Variants in SNX14 observed in about 807,000 individuals in gnomAD.
The protein encoded by SNX14 is sorting nexin-14.
A neutral mutation model predicts 133.8 loss-of-function variants in SNX14; 93 were observed. That is an observed-to-expected ratio of 0.70 (90% CI 0.59 to 0.83). The LOEUF (loss-of-function observed/expected upper bound fraction) is 0.83, where lower values mean the gene tolerates loss of function less well. SNX14 is among the 40% of genes least tolerant of loss of function. SNX14 has a pLI of 0.00. For synonymous variants in SNX14, 368 were observed against 365.6 expected (o/e 1.01, Z -0.07); for missense variants, 945 against 1,094.9 (o/e 0.86, Z 1.93).
intron 16 of SNX14, 29 bp from the exon 17 acceptor site, chr6:85,536,953 A>G: frequency 6.3e-7 from 1 of 1,596,684 alleles, no homozygotes; most frequent in Non-Finnish European, 8.5e-7. Context: ...TGTATCAAGT[A>G]CATAGCAAAT....
chr6:85,515,262 C>CAAAAAAAAAAAA (rs751549621), intron 23 of SNX14, among the ~76,000 whole-genome samples: 1 of 22,770 alleles, frequency 4.4e-5, no homozygotes, highest in African/African-American at 1.3e-4. Context: ...GCAAGACCGT[C>CAAAAAAAAAAAA]AAAAAAAAAA....
intron 6 of SNX14, among the ~76,000 whole-genome samples, chr6:85,560,490 A>G (rs1791166076): frequency 6.6e-6 from 1 of 152,206 alleles, no homozygotes. Flanking sequence ...GAAGGGATAG[A>G]AGAGGTGATG....
intron 17 of SNX14, among the ~76,000 whole-genome samples, chr6:85,535,890 C>T (rs1781816753): frequency 1.3e-5 from 2 of 152,078 alleles, no homozygotes; most frequent in Admixed American, 1.3e-4. Context: ...TAGTGAATTT[C>T]TTAAAGCCGA....
Position 85,567,531 on chromosome 6 carries a change from T to C in SNX14, c.461+3A>G. On this transcript the variant is annotated splice_donor_region_variant and intron_variant, in intron 5 of 28. Coordinates refer to ENST00000314673, the MANE Select transcript of SNX14 (RefSeq NM_153816.6). ...AAAAAAAGATCTTATAGAAAGAACA[T>C]ACCTGTACCACGGATAAACAAAGTT... The C allele has an allele frequency of 6.6e-7, 1 of 1,504,222 alleles. No individual in the cohort carries two copies. The highest frequency in any genetic ancestry group is 8.8e-7 in the Non-Finnish European group (1 of 1,132,776). 93.2% of individuals were successfully genotyped at this position (1,504,222 alleles called of 1,614,324 possible).
chr6:85,533,502 AT>A, intron 18 of SNX14, 96 bp downstream of exon 18: 1 of 1,119,470 alleles, frequency 8.9e-7, no homozygotes. Flanking sequence ...ATGCAGCCAT[AT>A]TTGTTAGTTA....
At chr6:85,506,046 AG>A (rs1420228788) in intron 28 of SNX14, 41 bp from the exon 29 acceptor site, 5 of 1,354,174 alleles carry the variant, frequency 3.7e-6, no homozygotes, top group African/African-American at 1.4e-5. Flanking sequence ...GACAAGACAC[AG>A]GTTCATTTGT....
At chr6:85,593,538 C>A (rs1343638990) in intron 1 of SNX14, 41 bp downstream of exon 1, 1 of 1,579,630 alleles carries the variant, frequency 6.3e-7, no homozygotes, top group African/African-American at 1.3e-5. Context: ...TCTGCACCTT[C>A]GGAGAAAAGC....
intron 14 of SNX14, 40 bp downstream of exon 14, chr6:85,543,142 T>C (rs757725205): frequency 8.3e-6 from 12 of 1,453,394 alleles, no homozygotes. Context: ...TATTAAATTA[T>C]GTATAAAAAT....
At chr6:85,509,666 T>C (rs912731959) in intron 26 of SNX14, among the ~76,000 whole-genome samples, 1 of 152,192 alleles carries the variant, frequency 6.6e-6, no homozygotes, top group Non-Finnish European at 1.5e-5. Flanking sequence ...TAACACACAT[T>C]GGTACATCAT....
At chr6:85,587,518 T>G (rs1292236736) in intron 1 of SNX14, among the ~76,000 whole-genome samples, 1 of 152,154 alleles carries the variant, frequency 6.6e-6, no homozygotes, top group Non-Finnish European at 1.5e-5. Context: ...CAGGCTGGAA[T>G]GTAGTAGCAT....
rs76608195 is a variant in SNX14 at position 85,558,408 on chromosome 6, A to G, written c.550-348T>C. Among the ~76,000 whole-genome samples the G allele has an allele frequency of 7.8e-3, 1,192 of 152,314 alleles. 12 individuals carry two copies. Among genetic ancestry groups the G allele is most frequent in the African/African-American group, 0.027 (1,119 of 41,572 alleles). On this transcript the variant is annotated intron_variant, in intron 6 of 28. Coordinates refer to ENST00000314673, the MANE Select transcript of SNX14 (RefSeq NM_153816.6). ...GCTGTACATTTGTGATTAGTAAGAA[A>G]TTAGTTGAAAATGAACTTCTTCATT...
chr6:85,506,506 C>T (rs1273397660), intron 28 of SNX14, among the ~76,000 whole-genome samples: 1 of 152,078 alleles, frequency 6.6e-6, no homozygotes, highest in Non-Finnish European at 1.5e-5. Context: ...TTAGTAGAGA[C>T]AGGGTTTCAC....
At chr6:85,563,425 CTT>C (rs993333010) in intron 6 of SNX14, among the ~76,000 whole-genome samples, 5 of 152,064 alleles carry the variant, frequency 3.3e-5, no homozygotes, top group African/African-American at 1.2e-4. Flanking sequence ...GAGTTTCGCT[CTT>C]GTTGCCCAGG....
intron 18 of SNX14, among the ~76,000 whole-genome samples, chr6:85,531,805 C>T (rs554610533): frequency 1.9e-4 from 29 of 152,052 alleles, no homozygotes; most frequent in African/African-American, 6.5e-4. Flanking sequence ...GCAGGAAGAC[C>T]GCTTTGAGCC....
intron 28 of SNX14, among the ~76,000 whole-genome samples, chr6:85,506,573 C>A (rs1209152366): frequency 1.3e-5 from 2 of 152,174 alleles, no homozygotes; most frequent in Non-Finnish European, 1.5e-5. Flanking sequence ...GCCTTGGCCT[C>A]CCAAGGTGCT....
chr6:85,584,769 G>A (rs1800124807), intron 1 of SNX14, among the ~76,000 whole-genome samples: 1 of 152,156 alleles, frequency 6.6e-6, no homozygotes, highest in Non-Finnish European at 1.5e-5. Flanking sequence ...GAGAGGATGT[G>A]GAGAAACAGG....
chr6:85,520,474 C>T (rs1360711534), intron 21 of SNX14, among the ~76,000 whole-genome samples: 16 of 151,822 alleles, frequency 1.1e-4, no homozygotes, highest in Admixed American at 1.0e-3. Context: ...TCTCCTGCCT[C>T]AGCCTCTTGA....
rs1025630364 is a variant in SNX14 at position 85,540,484 on chromosome 6, G to A, written c.1448+1501C>T. ...AAGGCATGTGGCCTGGGCAAAGAAC[G>A]CTATTTTAAATAGCATGAATATGAT... On this transcript the variant is annotated intron_variant, in intron 15 of 28. Coordinates refer to ENST00000314673, the MANE Select transcript of SNX14 (RefSeq NM_153816.6). 6.6e-5 allele frequency among the ~76,000 whole-genome samples: 10 copies of A among 152,248 alleles called. No homozygotes were observed. In the South Asian group the frequency reaches 1.0e-3, roughly 16 times the overall value.
At chr6:85,512,078 G>C (rs1040665242) in intron 26 of SNX14, among the ~76,000 whole-genome samples, 3 of 152,080 alleles carry the variant, frequency 2.0e-5, no homozygotes, top group African/African-American at 7.2e-5. Context: ...AGAGTGTATT[G>C]GAGTTGGGTA....
Sources: gnomAD v4.1 joint callset for allele counts (sites outside exome capture counted in the v4.1 genomes callset) on GRCh38, gnomAD v4.1.1 for gene constraint, MANE v1.5 for transcripts, NCBI Gene and HGNC (gene_info 2026-07-23, HGNC 2026-07-21) for gene names.